The following RALYL variants were observed in gnomAD, a reference collection of about 807,000 sequenced individuals.
The protein encoded by RALYL is RNA-binding Raly-like protein.
RALYL carries 29 observed loss-of-function variants against 35.1 expected under a neutral mutation model. The observed-to-expected ratio is 0.83, with a 90% CI of 0.61 to 1.13. The LOEUF (loss-of-function observed/expected upper bound fraction) is 1.13, where lower values mean the gene tolerates loss of function less well. Among genes scored for constraint, RALYL ranks in the 50% most tolerant of loss-of-function variants. RALYL has a pLI of 0.00. For missense variants in RALYL, 359 were observed against 360.4 expected, an observed-to-expected ratio of 1.00 and a Z score of 0.03; for synonymous variants, 120 against 127.6, an observed-to-expected ratio of 0.94 and a Z score of 0.40.
At chr8:84,826,458 G>A (rs187512006) in intron 4 of RALYL, among the ~76,000 whole-genome samples, 26 of 152,074 alleles carry the variant, frequency 1.7e-4, no homozygotes, top group Non-Finnish European at 3.4e-4. Context: ...CTCTTGCTTT[G>A]CAGTTGAGAA....
intron 1 of RALYL, among the ~76,000 whole-genome samples, chr8:84,206,055 A>T (rs1817984305): frequency 6.6e-6 from 1 of 152,164 alleles, no homozygotes; most frequent in Non-Finnish European, 1.5e-5. Context: ...CCCACCCATA[A>T]GACCTCATTT....
intron 2 of RALYL, among the ~76,000 whole-genome samples, chr8:84,618,612 T>C (rs1434955220): frequency 3.4e-5 from 3 of 87,068 alleles, no homozygotes; most frequent in Admixed American, 1.3e-4. Flanking sequence ...GCTCTGATTT[T>C]AGTTATTTCT....
At chr8:84,288,128 C>T (rs536959692) in intron 1 of RALYL, among the ~76,000 whole-genome samples, 4 of 152,106 alleles carry the variant, frequency 2.6e-5, no homozygotes, top group Admixed American at 6.5e-5. Context: ...ATGCAGAGGA[C>T]CAGGAGTATT....
chr8:84,732,680 A>ATATATGTG (rs1846429495), intron 2 of RALYL, among the ~76,000 whole-genome samples: 5 of 129,348 alleles, frequency 3.9e-5, no homozygotes, highest in African/African-American at 2.0e-4. Context: ...ATATATATAT[A>ATATATGTG]TATACACACA....
At chr8:84,371,760 C>T (rs1299735090) in intron 1 of RALYL, among the ~76,000 whole-genome samples, 1 of 151,914 alleles carries the variant, frequency 6.6e-6, no homozygotes, top group Admixed American at 6.6e-5. Context: ...AAAGATAAAT[C>T]CTTTGAAGAT....
intron 1 of RALYL, among the ~76,000 whole-genome samples, chr8:84,506,223 G>A (rs1032180857): frequency 1.3e-5 from 2 of 152,028 alleles, no homozygotes; most frequent in African/African-American, 4.8e-5. Context: ...GCTTTATAAA[G>A]AAAGTGATAC....
chr8:84,441,999 C>T (rs1352287348), intron 1 of RALYL, among the ~76,000 whole-genome samples: 1 of 151,976 alleles, frequency 6.6e-6, no homozygotes, highest in African/African-American at 2.4e-5. Context: ...TGAAATTAAA[C>T]ATTAAGTAGA....
At chr8:84,620,819 A>G (rs2131062958) in intron 2 of RALYL, among the ~76,000 whole-genome samples, 1 of 151,994 alleles carries the variant, frequency 6.6e-6, no homozygotes, top group East Asian at 1.9e-4. Context: ...AACAGACAGG[A>G]CCCTCAGCTG....
chr8:84,311,371 T>C (rs895591837), intron 1 of RALYL, among the ~76,000 whole-genome samples: 1 of 152,008 alleles, frequency 6.6e-6, no homozygotes, highest in Admixed American at 6.6e-5. Context: ...TGATGAATTG[T>C]CTGAAAAATA....
chr8:84,697,958 T>C (rs561338049), intron 2 of RALYL, among the ~76,000 whole-genome samples: 2 of 152,244 alleles, frequency 1.3e-5, no homozygotes, highest in Admixed American at 6.6e-5. Context: ...TTTGCCAAAA[T>C]GACAATAACT....
intron 3 of RALYL, among the ~76,000 whole-genome samples, chr8:84,781,258 A>C (rs915060615): frequency 2.0e-5 from 3 of 152,202 alleles, no homozygotes; most frequent in Admixed American, 6.5e-5. Flanking sequence ...CTTCTTTAAA[A>C]ATAAAATTTT....
At chr8:84,750,431 A>G (rs984453194) in intron 2 of RALYL, among the ~76,000 whole-genome samples, 5 of 152,092 alleles carry the variant, frequency 3.3e-5, no homozygotes, top group Non-Finnish European at 5.9e-5. Context: ...CCCTTGTGTG[A>G]TGGCCTCTGG....
At chr8:84,263,850 T>A (rs1302126140) in intron 1 of RALYL, among the ~76,000 whole-genome samples, 2 of 152,180 alleles carry the variant, frequency 1.3e-5, no homozygotes, top group African/African-American at 4.8e-5. Context: ...CACTTATAAG[T>A]GAGAACATGT....
chr8:84,639,664 T>G (rs372096774), intron 2 of RALYL, among the ~76,000 whole-genome samples: 2 of 152,068 alleles, frequency 1.3e-5, no homozygotes, highest in East Asian at 3.9e-4. Flanking sequence ...ATGGCCAACC[T>G]TCTATTTTGT....
At chr8:84,391,339 A>C (rs1391862652) in intron 1 of RALYL, among the ~76,000 whole-genome samples, 2 of 151,992 alleles carry the variant, frequency 1.3e-5, no homozygotes, top group African/African-American at 4.8e-5. Context: ...GGTTTAGCTG[A>C]AATGTTTGAA....
chr8:84,750,926 G>A (rs994698031), intron 2 of RALYL, among the ~76,000 whole-genome samples: 2 of 152,150 alleles, frequency 1.3e-5, no homozygotes, highest in South Asian at 4.1e-4. Flanking sequence ...ATAAGCAACA[G>A]AAAATGAACT....
intron 1 of RALYL, among the ~76,000 whole-genome samples, chr8:84,343,402 T>A (rs1232334740): frequency 6.6e-6 from 1 of 152,050 alleles, no homozygotes; most frequent in Non-Finnish European, 1.5e-5. Flanking sequence ...GATACCTTTC[T>A]ACATAGCTCA....
chr8:84,906,682 A>T (rs533570798), intron 8 of RALYL, among the ~76,000 whole-genome samples: 1 of 147,258 alleles, frequency 6.8e-6, no homozygotes, highest in South Asian at 2.1e-4. Flanking sequence ...TCTGGAAGTT[A>T]ATTGATTAAA....
At chr8:84,185,265 G>T in intron 1 of RALYL, 1 of 546,478 alleles carries the variant, frequency 1.8e-6, no homozygotes, top group South Asian at 2.2e-5. Context: ...TTTAAATTTT[G>T]TTAAAGGGGC....
Sources: allele counts gnomAD v4.1 joint callset (sites outside exome capture counted in the v4.1 genomes callset), GRCh38; gene constraint gnomAD v4.1.1; transcripts MANE v1.5; gene names NCBI Gene and HGNC (gene_info 2026-07-23, HGNC 2026-07-21).